Variants in MBOAT2 observed in about 807,000 individuals in gnomAD.
MBOAT2 encodes the protein membrane-bound glycerophospholipid O-acyltransferase 2.
Under a neutral mutation model 63.4 loss-of-function variants are expected in MBOAT2, and 28 were observed. The observed-to-expected ratio is 0.44, with a 90% confidence interval of 0.33 to 0.61. The LOEUF is 0.61. MBOAT2 is among the 20% of genes least tolerant of loss of function. MBOAT2 has a pLI of 0.03. For missense variants in MBOAT2, 470 were observed against 605.8 expected (o/e 0.78, Z 2.35); for synonymous variants, 211 against 215.6 (o/e 0.98, Z 0.19).
Position 8,858,892 on chromosome 2 carries a change from A to G in MBOAT2, c.1350T>C (p.Tyr450=). 1 of 1,605,668 alleles carries G rather than the reference A, an allele frequency of 6.2e-7. No individual in the cohort carries two copies. Among genetic ancestry groups the G allele is most frequent in the Non-Finnish European group, 8.5e-7 (1 of 1,176,730 alleles). ...PSLTFYSSWY[Y]CLHILGILVL... ...CTAAGATACCAAGAATGTGCAGGCA[A>G]TAATACCAGGAGCTAAAAGAAAAAG... Residue 450 remains tyrosine, a synonymous_variant, in exon 13 of 13, where the codon TAT becomes TAC. Transcript: ENST00000305997.
chr2:8,898,372 C>T (rs1332083321), intron 4 of MBOAT2, among the ~76,000 whole-genome samples: 7 of 152,132 alleles, frequency 4.6e-5, no homozygotes, highest in Admixed American at 6.6e-5. Flanking sequence ...AAAGAACCCC[C>T]GCAACTGTTT....
At chr2:8,983,347 A>C (rs1671334518) in intron 1 of MBOAT2, among the ~76,000 whole-genome samples, 1 of 152,114 alleles carries the variant, frequency 6.6e-6, no homozygotes, top group South Asian at 2.1e-4. Context: ...ACTATAACTC[A>C]CCCAATATGA....
chr2:8,909,331 A>C (rs756388640), intron 3 of MBOAT2, among the ~76,000 whole-genome samples: 67 of 152,222 alleles, frequency 4.4e-4, no homozygotes, highest in Non-Finnish European at 7.5e-4. Context: ...AATAGGATGA[A>C]GGCTGCAATG....
At chr2:8,946,301 C>G (rs1668409181) in intron 2 of MBOAT2, among the ~76,000 whole-genome samples, 1 of 152,186 alleles carries the variant, frequency 6.6e-6, no homozygotes, top group African/African-American at 2.4e-5. Context: ...ACAGGTTTGC[C>G]TGACTTCAGA....
At chr2:8,970,646 G>A (rs1315547722) in intron 1 of MBOAT2, among the ~76,000 whole-genome samples, 1 of 152,094 alleles carries the variant, frequency 6.6e-6, no homozygotes, top group East Asian at 1.9e-4. Context: ...AAGAAGAAAT[G>A]AGAGAAGAAT....
chr2:8,853,859 T>C lies in MBOAT2; in HGVS notation c.*4820A>G, dbSNP rs1399773692. 1 of 152,236 alleles carries C rather than the reference T, an allele frequency of 6.6e-6. No individual in the cohort carries two copies. Among genetic ancestry groups the C allele is most frequent in the Non-Finnish European group, 1.5e-5 (1 of 68,032 alleles). 9.4% of individuals were successfully genotyped at this position (152,236 alleles called of 1,614,324 possible). ...AAAAACTGTGTATTTAGGCTGTGTT[T>C]CACAAAATTTCCCAGTCAATGGCCT... is the stretch of plus-strand genomic sequence containing the variant. On this transcript the variant is annotated 3_prime_UTR_variant, in exon 13 of 13. Coordinates refer to ENST00000305997, the MANE Select transcript of MBOAT2 (RefSeq NM_138799.4).
intron 3 of MBOAT2, among the ~76,000 whole-genome samples, chr2:8,938,112 T>C (rs901636955): frequency 2.6e-5 from 4 of 152,212 alleles, no homozygotes; most frequent in Non-Finnish European, 5.9e-5. Flanking sequence ...TACATTTTTT[T>C]ATAGGCAAGG....
intron 1 of MBOAT2, among the ~76,000 whole-genome samples, chr2:8,983,970 A>G (rs1304275825): frequency 6.6e-6 from 1 of 152,226 alleles, no homozygotes; most frequent in Admixed American, 6.5e-5. Context: ...AGGTACAAAA[A>G]TATCACAAAT....
chr2:8,912,469 C>CTT (rs2148594988), intron 3 of MBOAT2, among the ~76,000 whole-genome samples: 1 of 152,186 alleles, frequency 6.6e-6, no homozygotes, highest in Non-Finnish European at 1.5e-5. Context: ...GTTCCTATAA[C>CTT]TTATTGATAA....
At chr2:8,970,595 G>GA (rs1670376591) in intron 1 of MBOAT2, among the ~76,000 whole-genome samples, 1 of 151,946 alleles carries the variant, frequency 6.6e-6, no homozygotes. Context: ...CTGGTTTTTT[G>GA]GAAGATCAAC....
intron 8 of MBOAT2, among the ~76,000 whole-genome samples, chr2:8,869,208 ATTTTTTTT>A (rs750568440): frequency 2.4e-5 from 3 of 124,966 alleles, no homozygotes; most frequent in African/African-American, 9.0e-5. Flanking sequence ...CATCATGCCT[ATTTTTTTT>A]TTTTTTTTTT....
intron 1 of MBOAT2, among the ~76,000 whole-genome samples, chr2:8,966,198 C>T (rs1009556600): frequency 6.6e-6 from 1 of 152,128 alleles, no homozygotes; most frequent in African/African-American, 2.4e-5. Context: ...ACAAACTATA[C>T]ACTTATTGCT....
At chr2:8,997,913 G>A (rs1269442231) in intron 1 of MBOAT2, among the ~76,000 whole-genome samples, 1 of 152,128 alleles carries the variant, frequency 6.6e-6, no homozygotes, top group Non-Finnish European at 1.5e-5. Flanking sequence ...CAATTGTCAG[G>A]GCTCGTGGTA....
intron 2 of MBOAT2, among the ~76,000 whole-genome samples, chr2:8,954,549 G>A (rs1320854755): frequency 6.6e-6 from 1 of 151,922 alleles, no homozygotes; most frequent in East Asian, 1.9e-4. Flanking sequence ...GAAACCATCT[G>A]GGCTCCATGT....
At chr2:8,894,386 G>A (rs1664270214) in intron 4 of MBOAT2, among the ~76,000 whole-genome samples, 1 of 152,210 alleles carries the variant, frequency 6.6e-6, no homozygotes, top group South Asian at 2.1e-4. Flanking sequence ...TCAAACGTAG[G>A]TCAAGGGCTG....
chr2:8,901,103 T>C (rs558590269), intron 4 of MBOAT2, among the ~76,000 whole-genome samples: 1 of 152,212 alleles, frequency 6.6e-6, no homozygotes, highest in East Asian at 1.9e-4. Context: ...ATCGGAATAG[T>C]TGTGCTCACT....
chr2:8,975,313 T>C (rs1432121557), intron 1 of MBOAT2, among the ~76,000 whole-genome samples: 1 of 152,092 alleles, frequency 6.6e-6, no homozygotes, highest in Admixed American at 6.6e-5. Context: ...CCAAAATACT[T>C]TTAAAGTAAT....
rs1259841749 is a variant in MBOAT2, at chr2:8,853,036, T to C, written c.*5643A>G. On this transcript the variant is annotated 3_prime_UTR_variant, in exon 13 of 13. Coordinates refer to ENST00000305997, the MANE Select transcript of MBOAT2 (RefSeq NM_138799.4). ...AATGTAAATACTAAATTCTGGCTGC[T>C]GGAGTTGGGTCTCTCCTCATGTTTG... The C allele has an allele frequency of 6.6e-6, 1 of 152,256 alleles. No homozygotes were observed. The highest frequency in any genetic ancestry group is 1.5e-5 in the Non-Finnish European group (1 of 68,044). 9.4% of individuals were successfully genotyped at this position (152,256 alleles called of 1,614,324 possible).
Position 8,987,591 on chromosome 2 carries a change from C to A in MBOAT2, c.75+15949G>T, listed in dbSNP as rs115457862. 3.6e-3 allele frequency among the ~76,000 whole-genome samples: 545 copies of A among 152,310 alleles called. 8 individuals carry two copies. The highest frequency in any genetic ancestry group is 0.02 in the South Asian group (97 of 4,826). ...GAATTTGGGCAAGGTTCAGCATGGA[C>A]ACCTCATTGTTTCTCTATTTGGCAT... On this transcript the variant is annotated intron_variant, in intron 1 of 12. Transcript: ENST00000305997.
Sources: allele counts gnomAD v4.1 joint callset (sites outside exome capture counted in the v4.1 genomes callset), GRCh38; gene constraint gnomAD v4.1.1; transcripts MANE v1.5; gene names NCBI Gene and HGNC (gene_info 2026-07-23, HGNC 2026-07-21).